The following TENM3 variants were observed in gnomAD, a reference collection of about 807,000 sequenced individuals.
TENM3 encodes teneurin transmembrane protein 3.
TENM3 carries 63 observed loss-of-function variants against 255.1 expected under a neutral mutation model. That is an observed-to-expected ratio of 0.25 (90% confidence interval 0.20 to 0.30). The LOEUF (loss-of-function observed/expected upper bound fraction) is 0.30, where lower values mean the gene tolerates loss of function less well. TENM3 is among the 10% of genes least tolerant of loss of function. The pLI, the probability that TENM3 is intolerant of heterozygous loss-of-function variation, is 1.00. For missense variants in TENM3, 2,929 were observed against 3,461.1 expected, an observed-to-expected ratio of 0.85 and a Z score of 3.86; for synonymous variants, 1,306 against 1,322.3, an observed-to-expected ratio of 0.99 and a Z score of 0.27.
chr4:181,797,972 A>G, the TENM3 span, among the ~76,000 whole-genome samples: 27 of 152,294 alleles, frequency 1.8e-4, no homozygotes, highest in Middle Eastern at 3.4e-3. Flanking sequence ...GGAATGGATG[A>G]TAGAATCTGC....
At chr4:182,795,524 C>A (rs181560149) in intron 26 of TENM3, among the ~76,000 whole-genome samples, 4 of 152,330 alleles carry the variant, frequency 2.6e-5, no homozygotes, top group Admixed American at 6.5e-5. Context: ...AAGAATACCA[C>A]TGGTTTTATA....
At chr4:181,692,302 C>CTG in the TENM3 span, among the ~76,000 whole-genome samples, 1 of 152,178 alleles carries the variant, frequency 6.6e-6, no homozygotes, top group Non-Finnish European at 1.5e-5. Context: ...TTAATTTTCA[C>CTG]TGTGTTGTCT....
At chr4:182,184,224 C>G (rs1233236699) in intron 1 of TENM3, among the ~76,000 whole-genome samples, 3 of 152,174 alleles carry the variant, frequency 2.0e-5, no homozygotes, top group African/African-American at 7.2e-5. Flanking sequence ...CCCAGTAGAT[C>G]TCTAGGTTTC....
intron 3 of TENM3, among the ~76,000 whole-genome samples, chr4:182,402,943 A>G (rs1286866786): frequency 1.3e-5 from 2 of 152,240 alleles, no homozygotes; most frequent in Admixed American, 1.3e-4. Context: ...AAGGAAATAT[A>G]TAACCATGAT....
At position 182,793,538 on chromosome 4, in the gene TENM3, G is replaced by A. The variant is rs1469003789; in HGVS notation, c.6866G>A (p.Gly2289Glu). Residue 2289 changes from glycine to glutamate, a missense_variant, in exon 26 of 28, where the codon GGG becomes GAG. Physicochemically the swap from Gly to Glu is moderately conservative, Grantham distance 98. Coordinates refer to ENST00000511685, the MANE Select transcript of TENM3 (RefSeq NM_001080477.4). This position sits in a 1 kb window ranked among gnomAD's most constrained non-coding sequence, Gnocchi z 5.7. Reference protein sequence around the residue: ...GHLFAMEISSGDEFYIASDNT... With the variant: ...GHLFAMEISSEDEFYIASDNT... ...CTTTTTGCCATGGAAATCAGCAGTG[G>A]GGATGAATTCTATATTGCATCGGAT... 2 of 1,613,892 alleles carry A rather than the reference G, an allele frequency of 1.2e-6. No homozygotes were observed. The highest frequency in any genetic ancestry group is 3.3e-5 in the Admixed American group (2 of 60,016).
chr4:181,948,748 C>T, the TENM3 span, among the ~76,000 whole-genome samples: 1 of 152,114 alleles, frequency 6.6e-6, no homozygotes, highest in Non-Finnish European at 1.5e-5. Flanking sequence ...CTGAAGAGAA[C>T]TAGATTCTCT....
intron 1 of TENM3, among the ~76,000 whole-genome samples, chr4:182,218,396 C>T (rs1174789925): frequency 2.0e-5 from 3 of 152,116 alleles, no homozygotes; most frequent in East Asian, 1.9e-4. Flanking sequence ...CCAGTTTTTA[C>T]GATAATTTCA....
chr4:182,733,714 A>G (rs372084281), intron 16 of TENM3, among the ~76,000 whole-genome samples: 2 of 152,252 alleles, frequency 1.3e-5, no homozygotes, highest in African/African-American at 4.8e-5. Flanking sequence ...TGCAATAGCA[A>G]CACCTCAGGG....
chr4:181,553,298 T>TG, the TENM3 span, among the ~76,000 whole-genome samples: 65 of 102,584 alleles, frequency 6.3e-4, no homozygotes, highest in African/African-American at 2.4e-3. Context: ...TGTGTGTGTG[T>TG]AGTGTGTGTG....
intron 6 of TENM3, among the ~76,000 whole-genome samples, chr4:182,655,313 A>C (rs942170573): frequency 2.6e-5 from 4 of 152,306 alleles, no homozygotes; most frequent in Middle Eastern, 6.8e-3. Flanking sequence ...AAGAAATTGT[A>C]ATTATACCAA....
At chr4:182,379,022 C>A (rs753592170) in intron 3 of TENM3, among the ~76,000 whole-genome samples, 2 of 152,090 alleles carry the variant, frequency 1.3e-5, no homozygotes, top group Non-Finnish European at 2.9e-5. Flanking sequence ...GCGGGAAGAT[C>A]GAGCATCGGA....
rs917958284 is a variant in TENM3, at chr4:182,789,840, G to A, written c.5601+451G>A. 1.3e-5 allele frequency among the ~76,000 whole-genome samples: 2 copies of A among 152,104 alleles called. No individual in the cohort carries two copies. Among genetic ancestry groups the A allele is most frequent in the Non-Finnish European group, 1.5e-5 (1 of 68,024 alleles). On this transcript the variant is annotated intron_variant, in intron 25 of 27. Transcript: ENST00000511685. This position sits in a 1 kb window ranked among gnomAD's most constrained non-coding sequence, Gnocchi z 4.4. ...TAAAAAGCATGTAGATCCTAGTTAC[G>A]CATTATTAACCAAAAGAGGCGATTT...
chr4:182,423,267 G>A (rs1295339408), intron 3 of TENM3, among the ~76,000 whole-genome samples: 1 of 152,120 alleles, frequency 6.6e-6, no homozygotes, highest in African/African-American at 2.4e-5. Context: ...AGGACTTTAG[G>A]AAGAGAGGTG....
chr4:182,120,707 T>C, the TENM3 span, among the ~76,000 whole-genome samples: 1 of 152,124 alleles, frequency 6.6e-6, no homozygotes, highest in African/African-American at 2.4e-5. Context: ...AAGGAAGTGC[T>C]AAAAAGAAAT....
the TENM3 span, among the ~76,000 whole-genome samples, chr4:181,727,656 T>A: frequency 6.6e-6 from 1 of 152,230 alleles, no homozygotes; most frequent in Admixed American, 6.5e-5. Context: ...TTATTATTTG[T>A]CAGATTTACT....
At chr4:181,554,859 A>G in the TENM3 span, among the ~76,000 whole-genome samples, 2 of 152,328 alleles carry the variant, frequency 1.3e-5, no homozygotes, top group Middle Eastern at 6.8e-3. Context: ...TGCTTATTCC[A>G]GAAGAAGAAC....
intron 1 of TENM3, among the ~76,000 whole-genome samples, chr4:182,168,035 G>T (rs762479651): frequency 6.6e-5 from 10 of 152,114 alleles, no homozygotes; most frequent in Non-Finnish European, 1.0e-4. Context: ...CACACCTCTC[G>T]ATTAGAGCTA....
At chr4:181,974,669 G>A in the TENM3 span, among the ~76,000 whole-genome samples, 7 of 152,160 alleles carry the variant, frequency 4.6e-5, no homozygotes, top group Non-Finnish European at 8.8e-5. Flanking sequence ...TCAGACCATC[G>A]AGGCTCCTTG....
the TENM3 span, among the ~76,000 whole-genome samples, chr4:181,553,649 G>A: frequency 3.9e-5 from 6 of 151,994 alleles, no homozygotes; most frequent in Admixed American, 6.6e-5. Flanking sequence ...CACCGTGTTA[G>A]CCAGGATGGT....
Sources: allele counts gnomAD v4.1 joint callset (sites outside exome capture counted in the v4.1 genomes callset), GRCh38; gene constraint gnomAD v4.1.1; non-coding constraint Gnocchi (gnomAD v3.1); transcripts MANE v1.5; gene names NCBI Gene and HGNC (gene_info 2026-07-23, HGNC 2026-07-21).